Variants in FCHO2 observed in about 807,000 individuals in gnomAD.
The protein encoded by FCHO2 is F-BAR domain only protein 2.
A neutral mutation model predicts 114.1 loss-of-function variants in FCHO2; 43 were observed. That is an observed-to-expected ratio of 0.38 (90% CI 0.30 to 0.49). FCHO2 has a LOEUF of 0.49. FCHO2 is among the 20% of genes least tolerant of loss of function. The pLI is 0.97. For missense variants in FCHO2, 807 were observed against 950.4 expected (o/e 0.85, Z 1.98); for synonymous variants, 293 against 315.2 (o/e 0.93, Z 0.75).
chr5:73,053,876 CT>C (rs947103711), intron 13 of FCHO2, among the ~76,000 whole-genome samples: 3 of 145,650 alleles, frequency 2.1e-5, no homozygotes, highest in Admixed American at 6.7e-5. Context: ...CTTTTGTACT[CT>C]TCTCTTTTCA....
chr5:73,089,781 G>A lies in FCHO2; in HGVS notation c.*1691G>A, dbSNP rs767298460. On this transcript the variant is annotated 3_prime_UTR_variant, in exon 26 of 26. Transcript: ENST00000430046. ...ACATCTTGCTGTACTAAATACAGCA[G>A]AAAATCTACTCTTTAGCAATATATA... 3 of 152,464 alleles carry A rather than the reference G, an allele frequency of 2.0e-5. No homozygotes were observed. The highest frequency in any genetic ancestry group is 4.4e-5 in the Non-Finnish European group (3 of 67,928). The allele number at this position is 152,464 out of a possible 1,614,324, so 9.4% of individuals were successfully genotyped here. A position where few individuals can be genotyped will look rare whatever the true frequency, so the allele number is the denominator to read the frequency against.
At chr5:72,956,442 G>C (rs1439396301) in intron 1 of FCHO2, among the ~76,000 whole-genome samples, 1 of 151,720 alleles carries the variant, frequency 6.6e-6, no homozygotes, top group Non-Finnish European at 1.5e-5. Context: ...GAGGCTCCCG[G>C]TGCCGCGCTC....
At chr5:73,019,671 C>T (rs999379004) in intron 8 of FCHO2, among the ~76,000 whole-genome samples, 2 of 152,156 alleles carry the variant, frequency 1.3e-5, no homozygotes, top group Non-Finnish European at 2.9e-5. Context: ...TTCCAGTGCA[C>T]GTAACACTAA....
At chr5:73,063,035 A>G (rs1207597585) in intron 17 of FCHO2, among the ~76,000 whole-genome samples, 1 of 152,058 alleles carries the variant, frequency 6.6e-6, no homozygotes, top group African/African-American at 2.4e-5. Context: ...TGATTATTAA[A>G]CATGATTTTA....
intron 2 of FCHO2, among the ~76,000 whole-genome samples, chr5:72,985,348 G>A (rs530117083): frequency 6.6e-6 from 1 of 152,076 alleles, no homozygotes; most frequent in African/African-American, 2.4e-5. Flanking sequence ...TTTTAGTAGA[G>A]GCAGGGTTTC....
intron 2 of FCHO2, among the ~76,000 whole-genome samples, chr5:72,988,830 G>A (rs1382121959): frequency 6.6e-6 from 1 of 152,200 alleles, no homozygotes; most frequent in Non-Finnish European, 1.5e-5. Context: ...TACAGAGACA[G>A]AGAGAATACA....
chr5:73,031,447 T>C, intron 8 of FCHO2, among the ~76,000 whole-genome samples: 1 of 152,198 alleles, frequency 6.6e-6, no homozygotes, highest in African/African-American at 2.4e-5. Flanking sequence ...GCCTGAGATT[T>C]AGGATTGATT....
chr5:73,063,984 G>T, intron 18 of FCHO2, 40 bp downstream of exon 18: 1 of 1,501,396 alleles, frequency 6.7e-7, no homozygotes, highest in South Asian at 1.2e-5. Flanking sequence ...TAACTGTTTT[G>T]ATTTAAGATG....
Position 73,068,655 on chromosome 5 carries a change from G to A in FCHO2, c.1455G>A (p.Arg485=), listed in dbSNP as rs780426268. 14 of 1,609,716 alleles carry A rather than the reference G, an allele frequency of 8.7e-6. No homozygotes were observed. Among genetic ancestry groups the A allele is most frequent in the Middle Eastern group, 3.3e-4 (2 of 6,036 alleles). Residue 485 remains arginine (R), a synonymous_variant, in exon 19 of 26, where the codon AGG becomes AGA. Transcript: ENST00000430046. ...AATAACTTTTTGTTTTTAAGCCCAG[G>A]CCATTCAGCCCACCTGTAACTTCCA... The part of the protein sequence containing the change: ...GKLSGINEIP[R]PFSPPVTSNT...
At chr5:72,965,824 A>G (rs568672871) in intron 1 of FCHO2, among the ~76,000 whole-genome samples, 13 of 152,350 alleles carry the variant, frequency 8.5e-5, no homozygotes, top group Admixed American at 2.6e-4. Context: ...TTAAATGTCC[A>G]TAAGAGCTAA....
In FCHO2 at chr5:73,077,484, T is replaced by A. The variant is rs752853836; in HGVS notation, c.1838T>A (p.Leu613His). The A allele has an allele frequency of 8.1e-6, 13 of 1,597,856 alleles. No individual in the cohort carries two copies. In the African/African-American group the frequency reaches 1.3e-4, roughly 16 times the overall value. ...GAGCAGATTCTTCCAAATGCACAGCTTGTGTTCAGGTTTGTGTACTTTTTG... is the reference window on the plus strand; with the variant it reads ...GAGCAGATTCTTCCAAATGCACAGCATGTGTTCAGGTTTGTGTACTTTTTG... ...RLEQILPNAQ[L>H]VFSDPSQCDS... The change falls in exon 21 of 26, where the codon CTT becomes CAT. Residue 613 changes from leucine (L) to histidine (H), a missense_variant. Leu to His is a moderately conservative substitution (Grantham distance 99). Transcript: ENST00000430046.
At chr5:72,997,316 A>C in intron 5 of FCHO2, 1 of 1,566,716 alleles carries the variant, frequency 6.4e-7, no homozygotes, top group Non-Finnish European at 8.8e-7. Flanking sequence ...AAGCATGGAG[A>C]TCTATGGCTC....
At chr5:73,010,658 C>T (rs921242304) in intron 6 of FCHO2, among the ~76,000 whole-genome samples, 5 of 151,980 alleles carry the variant, frequency 3.3e-5, no homozygotes, top group Admixed American at 1.3e-4. Flanking sequence ...GGACAGATCA[C>T]CTGAAGTCAG....
intron 5 of FCHO2, among the ~76,000 whole-genome samples, chr5:73,001,734 C>G (rs1754453975): frequency 2.0e-5 from 3 of 151,312 alleles, no homozygotes; most frequent in Admixed American, 2.0e-4. Flanking sequence ...CCCAGGAGTT[C>G]AAAACCAGCC....
chr5:73,079,321 G>C (rs1224472037), intron 22 of FCHO2, among the ~76,000 whole-genome samples: 4 of 152,166 alleles, frequency 2.6e-5, no homozygotes, highest in Admixed American at 6.5e-5. Flanking sequence ...GGAAAGCTTA[G>C]TATAGACAGT....
intron 6 of FCHO2, among the ~76,000 whole-genome samples, chr5:73,008,399 A>T (rs1438541891): frequency 2.0e-5 from 3 of 152,130 alleles, no homozygotes; most frequent in African/African-American, 7.2e-5. Flanking sequence ...GATGGCAGGG[A>T]TAGGATGGGT....
chr5:72,989,549 T>C lies in FCHO2; in HGVS notation c.200+48T>C, dbSNP rs1753713197. On this transcript the variant is annotated intron_variant, in intron 3 of 25. Coordinates refer to ENST00000430046, the MANE Select transcript of FCHO2 (RefSeq NM_138782.3). ...TTCAGTGTTTATTTAGGCAAAGTTCTTAAGGATTCTAGGTTCCTTTTGAGG... is the reference window on the plus strand; with the variant it reads ...TTCAGTGTTTATTTAGGCAAAGTTCCTAAGGATTCTAGGTTCCTTTTGAGG... The C allele has an allele frequency of 3.4e-6, 5 of 1,479,120 alleles. No homozygotes were observed. The South Asian group carries it at 6.0e-5, about 18-fold the overall frequency. The allele number at this position is 1,479,120 out of a possible 1,614,324, so 91.6% of individuals were successfully genotyped here. A position where few individuals can be genotyped will look rare whatever the true frequency, so the allele number is the denominator to read the frequency against.
At chr5:73,050,507 T>C in intron 11 of FCHO2, among the ~76,000 whole-genome samples, 1 of 151,888 alleles carries the variant, frequency 6.6e-6, no homozygotes, top group East Asian at 1.9e-4. Flanking sequence ...TTAGTAGAGA[T>C]GGAGTTTCAC....
intron 5 of FCHO2, among the ~76,000 whole-genome samples, chr5:72,992,185 C>T (rs1369313120): frequency 6.6e-6 from 1 of 152,050 alleles, no homozygotes; most frequent in Non-Finnish European, 1.5e-5. Flanking sequence ...GGCACATAAT[C>T]TCAGGACCTT....
Sources: allele counts gnomAD v4.1 joint callset (sites outside exome capture counted in the v4.1 genomes callset), GRCh38; gene constraint gnomAD v4.1.1; transcripts MANE v1.5; gene names NCBI Gene and HGNC (gene_info 2026-07-23, HGNC 2026-07-21).